The following GYPC variants were observed in gnomAD, a reference collection of about 807,000 sequenced individuals.
GYPC encodes the protein glycophorin-C.
Under a neutral mutation model 12.6 loss-of-function variants are expected in GYPC, and 14 were observed. The ratio of observed to expected loss-of-function variants is 1.11; its 90% CI spans 0.74 to 1.74. The LOEUF (loss-of-function observed/expected upper bound fraction) is 1.74, where lower values mean the gene tolerates loss of function less well. Ranked by LOEUF, GYPC falls within the 40% of genes most tolerant of loss-of-function variation. The pLI, the probability that GYPC is intolerant of heterozygous loss-of-function variation, is 0.00. For missense variants in GYPC, 225 were observed against 172.1 expected (o/e 1.31, Z -1.72); for synonymous variants, 78 against 62.1 (o/e 1.26, Z -1.20).
chr2:126,656,430 A>G lies in GYPC; in HGVS notation c.49+118A>G, dbSNP rs563027393. The G allele has an allele frequency of 2.5e-4, 198 of 792,696 alleles. No homozygotes were observed. In the African/African-American group the frequency reaches 3.3e-3, roughly 13 times the overall value. 49.1% of individuals were successfully genotyped at this position (792,696 alleles called of 1,614,324 possible). A position where few individuals can be genotyped will look rare whatever the true frequency, so the allele number is the denominator to read the frequency against. Reference sequence around the variant, plus strand: ...GTGTCCCGGTCCGTGCCGGGCCTCCAGGCGGAGGAGGCGTCCGCTGGGCTC... The same window carrying G: ...GTGTCCCGGTCCGTGCCGGGCCTCCGGGCGGAGGAGGCGTCCGCTGGGCTC... On this transcript the variant is annotated intron_variant, in intron 1 of 3. Coordinates refer to ENST00000259254, the MANE Select transcript of GYPC (RefSeq NM_002101.5).
At chr2:126,690,010 T>G (rs948148872) in intron 1 of GYPC, among the ~76,000 whole-genome samples, 5 of 152,180 alleles carry the variant, frequency 3.3e-5, no homozygotes, top group Admixed American at 6.5e-5. Context: ...AGAACTTAAA[T>G]GGGCCTGGAG....
intron 2 of GYPC, among the ~76,000 whole-genome samples, 196 bp downstream of exon 2, chr2:126,690,507 G>A (rs913961858): frequency 1.8e-4 from 27 of 152,132 alleles, no homozygotes; most frequent in African/African-American, 6.3e-4. Context: ...AATGTGGAAT[G>A]GAGGAGTCTA....
At chr2:126,680,211 A>G (rs759559784) in intron 1 of GYPC, 15 of 152,236 alleles carry the variant, frequency 9.9e-5, no homozygotes, top group Middle Eastern at 3.2e-3. Context: ...GATTCATTAT[A>G]TCTTGGAAAA....
At chr2:126,688,665 C>T (rs1302040661) in intron 1 of GYPC, among the ~76,000 whole-genome samples, 1 of 152,096 alleles carries the variant, frequency 6.6e-6, no homozygotes, top group Non-Finnish European at 1.5e-5. Flanking sequence ...TATCTTCTTC[C>T]CCACCTCCAA....
intron 1 of GYPC, among the ~76,000 whole-genome samples, chr2:126,657,239 T>C (rs1379301862): frequency 6.6e-6 from 1 of 152,236 alleles, no homozygotes; most frequent in Non-Finnish European, 1.5e-5. Context: ...GGAGGAGTGC[T>C]GCTTCGGTCT....
chr2:126,676,352 C>T (rs1682994495), intron 1 of GYPC, among the ~76,000 whole-genome samples: 1 of 152,224 alleles, frequency 6.6e-6, no homozygotes, highest in Non-Finnish European at 1.5e-5. Context: ...ACATTAGAAG[C>T]ATCAAAACAG....
chr2:126,677,491 G>C (rs201289484), intron 1 of GYPC, among the ~76,000 whole-genome samples: 1 of 70,132 alleles, frequency 1.4e-5, no homozygotes, highest in East Asian at 3.3e-4. Flanking sequence ...GTGTGAGTCT[G>C]AGTGTGTGTA....
At chr2:126,668,822 C>G (rs866557092) in intron 1 of GYPC, among the ~76,000 whole-genome samples, 6 of 152,328 alleles carry the variant, frequency 3.9e-5, no homozygotes, top group Middle Eastern at 3.4e-3. Context: ...GATGAGATGG[C>G]TGCCCTCAAA....
intron 1 of GYPC, among the ~76,000 whole-genome samples, chr2:126,677,247 GTA>G (rs1444258017): frequency 3.3e-5 from 5 of 151,994 alleles, no homozygotes; most frequent in African/African-American, 1.2e-4. Context: ...GTGTGTAAGA[GTA>G]TATGTGTATA....
intron 1 of GYPC, chr2:126,685,813 G>C: frequency 1.0e-6 from 1 of 985,322 alleles, no homozygotes; most frequent in Non-Finnish European, 1.2e-6. Context: ...TCATCAACAA[G>C]GTTTGTCATT....
intron 1 of GYPC, among the ~76,000 whole-genome samples, chr2:126,672,576 AC>A (rs1474801864): frequency 6.6e-6 from 1 of 152,100 alleles, no homozygotes; most frequent in Non-Finnish European, 1.5e-5. Context: ...AGCACACAGG[AC>A]CCTTAGGGAG....
intron 1 of GYPC, among the ~76,000 whole-genome samples, chr2:126,673,044 TACCCAGAAGGGTATTGGGAG>T (rs919638798): frequency 3.4e-4 from 52 of 152,134 alleles, no homozygotes; most frequent in African/African-American, 7.7e-4. Context: ...AGGATCCTAA[TACCCAGAAGGGTATTGGGAG>T]ACCCAGAAGG....
intron 1 of GYPC, among the ~76,000 whole-genome samples, chr2:126,670,269 G>A (rs1478902089): frequency 6.6e-6 from 1 of 152,178 alleles, no homozygotes; most frequent in Non-Finnish European, 1.5e-5. Context: ...CACTTGCTGG[G>A]GCCCTTCTGG....
At chr2:126,674,511 G>A (rs1682942128) in intron 1 of GYPC, among the ~76,000 whole-genome samples, 1 of 152,212 alleles carries the variant, frequency 6.6e-6, no homozygotes, top group African/African-American at 2.4e-5. Context: ...CACTAGAGAG[G>A]CCCTCGAGCC....
chr2:126,689,731 C>T (rs149910017), intron 1 of GYPC, among the ~76,000 whole-genome samples: 2,373 of 152,244 alleles, frequency 0.016, 62 homozygotes, highest in African/African-American at 0.053. Context: ...TGAGTGGGAG[C>T]AGTATGAGGC....
intron 1 of GYPC, chr2:126,678,250 G>GAAAGA (rs955554103): frequency 1.3e-5 from 2 of 151,806 alleles, no homozygotes; most frequent in African/African-American, 4.8e-5. Context: ...AAAGAGGAAA[G>GAAAGA]AAAGAAAAGA....
Position 126,656,327 on chromosome 2 carries a change from T to C in GYPC, c.49+15T>C, listed in dbSNP as rs1229784562. ...TCTCAGCCTCGGTGAGTACCCGCCG[T>C]GGGGAAGGGTCCTGGGGACCCACTG... On this transcript the variant is annotated intron_variant, in intron 1 of 3. Coordinates refer to ENST00000259254, the MANE Select transcript of GYPC (RefSeq NM_002101.5). 1.3e-6 allele frequency: 2 copies of C among 1,585,478 alleles called. No homozygotes were observed. The highest frequency in any genetic ancestry group is 1.7e-5 in the Admixed American group (1 of 57,234).
intron 1 of GYPC, among the ~76,000 whole-genome samples, chr2:126,689,118 G>C (rs1683377228): frequency 2.0e-5 from 3 of 152,182 alleles, no homozygotes; most frequent in African/African-American, 7.2e-5. Context: ...CAGTAACTTG[G>C]ATAATGTCAT....
intron 1 of GYPC, among the ~76,000 whole-genome samples, chr2:126,683,555 A>G (rs778361441): frequency 6.6e-6 from 1 of 151,768 alleles, no homozygotes; most frequent in Non-Finnish European, 1.5e-5. Context: ...AGGGAGAAAA[A>G]GCACTCTTTC....
Sources: gnomAD v4.1 joint callset for allele counts (sites outside exome capture counted in the v4.1 genomes callset) on GRCh38, gnomAD v4.1.1 for gene constraint, MANE v1.5 for transcripts, NCBI Gene and HGNC (gene_info 2026-07-23, HGNC 2026-07-21) for gene names.